NPAS3: variants seen among roughly 807,000 people sequenced by gnomAD.
The protein encoded by NPAS3 is neuronal PAS domain-containing protein 3.
In NPAS3, 14 loss-of-function variants were observed where a neutral mutation model predicts 73.1. The observed-to-expected ratio is 0.19, with a 90% CI of 0.13 to 0.30. The LOEUF (loss-of-function observed/expected upper bound fraction) is 0.30. Among genes scored for constraint, NPAS3 ranks in the 10% least tolerant of loss-of-function variants. NPAS3 has a pLI of 1.00. For missense variants in NPAS3, 1,096 were observed against 1,250.0 expected (o/e 0.88, Z 1.86); for synonymous variants, 620 against 541.5 (o/e 1.14, Z -2.01).
intron 4 of NPAS3, among the ~76,000 whole-genome samples, chr14:33,534,498 T>C (rs1161124446): frequency 6.6e-6 from 1 of 152,088 alleles, no homozygotes; most frequent in Non-Finnish European, 1.5e-5. Flanking sequence ...GTGACTACAA[T>C]ATGGTTTTCA....
chr14:33,488,010 T>C (rs2051698381), intron 4 of NPAS3, among the ~76,000 whole-genome samples: 1 of 152,096 alleles, frequency 6.6e-6, no homozygotes, highest in African/African-American at 2.4e-5. Flanking sequence ...TCACTGTATA[T>C]GAGGCCCTGT....
At chr14:33,547,641 G>A (rs139092407) in intron 4 of NPAS3, among the ~76,000 whole-genome samples, 24 of 152,264 alleles carry the variant, frequency 1.6e-4, no homozygotes, top group African/African-American at 5.3e-4. Flanking sequence ...GAAAGGAAAA[G>A]TGAAGAAGAA....
At chr14:33,279,324 C>G (rs1401228044) in intron 3 of NPAS3, among the ~76,000 whole-genome samples, 1 of 151,898 alleles carries the variant, frequency 6.6e-6, no homozygotes, top group Admixed American at 6.6e-5. Flanking sequence ...AATAATGTAC[C>G]AGGCACAATG....
At chr14:33,747,309 A>G (rs2140734224) in intron 7 of NPAS3, among the ~76,000 whole-genome samples, 1 of 152,300 alleles carries the variant, frequency 6.6e-6, no homozygotes, top group East Asian at 1.9e-4. Flanking sequence ...GAAATTGGAA[A>G]TCATCATTCT....
chr14:33,409,395 A>C (rs988579916), intron 4 of NPAS3, among the ~76,000 whole-genome samples: 13 of 152,216 alleles, frequency 8.5e-5, no homozygotes, highest in African/African-American at 2.7e-4. Flanking sequence ...TTATGTTAAA[A>C]TAAATATATG....
intron 1 of NPAS3, among the ~76,000 whole-genome samples, chr14:32,940,870 A>G (rs912111740): frequency 1.3e-5 from 2 of 152,218 alleles, no homozygotes; most frequent in African/African-American, 2.4e-5. Context: ...GTAGATACAT[A>G]ATTGACTAAT....
intron 4 of NPAS3, among the ~76,000 whole-genome samples, chr14:33,489,561 G>T (rs2051787760): frequency 6.6e-6 from 1 of 152,162 alleles, no homozygotes; most frequent in African/African-American, 2.4e-5. Context: ...CACTTTAAAA[G>T]AATGTAAACT....
intron 4 of NPAS3, among the ~76,000 whole-genome samples, chr14:33,517,615 T>C (rs1403962291): frequency 6.6e-6 from 1 of 152,058 alleles, no homozygotes; most frequent in African/African-American, 2.4e-5. Context: ...CATCATTTTA[T>C]TTAGGAAAAG....
intron 7 of NPAS3, 38 bp downstream of exon 7, chr14:33,735,370 G>A (rs749483985): frequency 2.9e-6 from 4 of 1,381,882 alleles, no homozygotes; most frequent in East Asian, 4.6e-5. Flanking sequence ...TGCTGTCTCA[G>A]GCCAGTCCTA....
At chr14:33,689,854 G>A (rs1485108430) in intron 6 of NPAS3, among the ~76,000 whole-genome samples, 1 of 152,128 alleles carries the variant, frequency 6.6e-6, no homozygotes, top group Non-Finnish European at 1.5e-5. Context: ...AGATACACCT[G>A]CTGACTTCCC....
At position 33,428,559 on chromosome 14, in the gene NPAS3, A is replaced by T. The variant is rs148494898; in HGVS notation, c.468+61291A>T. On this transcript the variant is annotated intron_variant, in intron 4 of 11. Transcript: ENST00000356141. ...TTCTAGATGAAAACATGAAAATCTT[A>T]CCTCCTCCAGCAACTAATTTAATCT... is the stretch of plus-strand genomic sequence containing the variant. 7.9e-5 allele frequency among the ~76,000 whole-genome samples: 12 copies of T among 152,192 alleles called. No homozygotes were observed. The East Asian group carries it at 2.3e-3, about 30-fold the overall frequency.
At chr14:33,691,690 T>G (rs1421084995) in intron 6 of NPAS3, among the ~76,000 whole-genome samples, 1 of 152,220 alleles carries the variant, frequency 6.6e-6, no homozygotes, top group Non-Finnish European at 1.5e-5. Flanking sequence ...TGTCTTTCAT[T>G]TGCCAACAGT....
intron 2 of NPAS3, among the ~76,000 whole-genome samples, chr14:33,173,527 C>A (rs1361425861): frequency 1.3e-5 from 2 of 151,994 alleles, no homozygotes; most frequent in South Asian, 2.1e-4. Flanking sequence ...CAAAAACTTT[C>A]TGTTTATGCA....
chr14:33,093,208 G>A (rs879439632), intron 2 of NPAS3, among the ~76,000 whole-genome samples: 8 of 152,158 alleles, frequency 5.3e-5, no homozygotes, highest in Non-Finnish European at 1.0e-4. Context: ...GAAAATTTTT[G>A]CAATCTACTC....
At chr14:33,312,607 G>A (rs78645424) in intron 3 of NPAS3, among the ~76,000 whole-genome samples, 10 of 152,106 alleles carry the variant, frequency 6.6e-5, no homozygotes, top group South Asian at 2.1e-4. Flanking sequence ...TACCGATCAC[G>A]TCTTTAGTAT....
chr14:33,340,284 C>T (rs1400148159), intron 3 of NPAS3, among the ~76,000 whole-genome samples: 1 of 152,142 alleles, frequency 6.6e-6, no homozygotes, highest in African/African-American at 2.4e-5. Context: ...CACCTGAGGT[C>T]AGGAGTTTGA....
intron 6 of NPAS3, among the ~76,000 whole-genome samples, chr14:33,698,838 A>AGGT (rs2060455512): frequency 6.6e-6 from 1 of 152,228 alleles, no homozygotes; most frequent in South Asian, 2.1e-4. Flanking sequence ...TAAAGGATGA[A>AGGT]GGTAAACCAT....
intron 4 of NPAS3, among the ~76,000 whole-genome samples, chr14:33,437,144 T>TTTG (rs529147466): frequency 1.1e-4 from 16 of 152,160 alleles, no homozygotes; most frequent in Non-Finnish European, 2.2e-4. Flanking sequence ...GTGATTGATA[T>TTTG]TTGTTGTTGT....
At chr14:33,182,860 A>T (rs1166226850) in intron 2 of NPAS3, among the ~76,000 whole-genome samples, 1 of 152,110 alleles carries the variant, frequency 6.6e-6, no homozygotes, top group African/African-American at 2.4e-5. Context: ...AATGCTGAAA[A>T]TTTCCACTTC....
Sources: gnomAD v4.1 joint callset for allele counts (sites outside exome capture counted in the v4.1 genomes callset) on GRCh38, gnomAD v4.1.1 for gene constraint, MANE v1.5 for transcripts, NCBI Gene and HGNC (gene_info 2026-07-23, HGNC 2026-07-21) for gene names.